The following MEI1 variants were observed in gnomAD, a reference collection of about 807,000 sequenced individuals.
The protein encoded by MEI1 is meiosis inhibitor protein 1.
In MEI1, 103 loss-of-function variants were observed where a neutral mutation model predicts 146.2. The observed-to-expected ratio is 0.70, with a 90% CI of 0.60 to 0.83. The LOEUF is 0.83. Among genes scored for constraint, MEI1 ranks in the 40% least tolerant of loss-of-function variants. The pLI is 0.00. For missense variants in MEI1, 1,529 were observed against 1,533.0 expected, an observed-to-expected ratio of 1.00 and a Z score of 0.04; for synonymous variants, 652 against 628.2, an observed-to-expected ratio of 1.04 and a Z score of -0.57.
intron 5 of MEI1, among the ~76,000 whole-genome samples, chr22:41,717,625 T>C (rs1365748673): frequency 6.6e-6 from 1 of 150,850 alleles, no homozygotes; most frequent in Admixed American, 6.6e-5. Flanking sequence ...TTTCTTTTTT[T>C]TTTTTTTTGA....
intron 21 of MEI1, 89 bp downstream of exon 21, chr22:41,776,356 G>A: frequency 7.1e-7 from 1 of 1,402,088 alleles, no homozygotes; most frequent in South Asian, 1.3e-5. Flanking sequence ...CTCCAGGAGA[G>A]AGAATCAGGG....
At chr22:41,785,062 G>T (rs908457015) in intron 26 of MEI1, among the ~76,000 whole-genome samples, 18 of 150,572 alleles carry the variant, frequency 1.2e-4, no homozygotes, top group African/African-American at 4.4e-4. Flanking sequence ...TTAGCCTCCC[G>T]GGTAGCTGGG....
chr22:41,708,418 T>C (rs113018616), intron 3 of MEI1, among the ~76,000 whole-genome samples: 41 of 152,092 alleles, frequency 2.7e-4, no homozygotes, highest in African/African-American at 8.7e-4. Flanking sequence ...TTTTTTTTTT[T>C]CCAAGCCAAA....
intron 17 of MEI1, among the ~76,000 whole-genome samples, chr22:41,755,169 T>C (rs1601946868): frequency 6.6e-6 from 1 of 152,042 alleles, no homozygotes; most frequent in East Asian, 1.9e-4. Context: ...CCCTGAGGGG[T>C]TCCTCTATCT....
At chr22:41,721,591 T>C (rs1374308882) in intron 6 of MEI1, among the ~76,000 whole-genome samples, 2 of 151,592 alleles carry the variant, frequency 1.3e-5, no homozygotes, top group Non-Finnish European at 2.9e-5. Context: ...CTGGGTCTCA[T>C]TATATTGCCC....
chr22:41,703,314 TCTTCATTTG>T lies in MEI1; in HGVS notation c.175-11_175-3del. On this transcript the variant is annotated splice_region_variant and splice_polypyrimidine_tract_variant and intron_variant, in intron 1 of 30. Transcript: ENST00000401548. ...AAATTTGGTTGCTATTGAATGTTTT[TCTTCATTTG>T]CTTCAAGTTAGTGCGCAAGAAGCAC... 3 of 1,610,144 alleles carry T rather than the reference TCTTCATTTG, an allele frequency of 1.9e-6. No homozygotes were observed. Among genetic ancestry groups the T allele is most frequent in the Non-Finnish European group, 8.5e-7 (1 of 1,178,228 alleles).
intron 22 of MEI1, among the ~76,000 whole-genome samples, chr22:41,780,951 A>C (rs2075730904): frequency 6.6e-6 from 1 of 152,106 alleles, no homozygotes; most frequent in Admixed American, 6.5e-5. Context: ...GAGAGAGGGG[A>C]TGTGGCAAGT....
chr22:41,730,044 G>A (rs2071721348), intron 8 of MEI1, among the ~76,000 whole-genome samples: 1 of 152,190 alleles, frequency 6.6e-6, no homozygotes, highest in African/African-American at 2.4e-5. Flanking sequence ...GGACTATTAT[G>A]AGCAGGGACT....
intron 15 of MEI1, among the ~76,000 whole-genome samples, chr22:41,750,915 C>T (rs996863071): frequency 2.6e-5 from 4 of 152,092 alleles, no homozygotes; most frequent in African/African-American, 7.2e-5. Flanking sequence ...GCCATACTTC[C>T]GGACCCAAGA....
intron 9 of MEI1, 116 bp downstream of exon 9, chr22:41,730,753 G>A (rs2071785365): frequency 4.5e-6 from 3 of 669,424 alleles, no homozygotes; most frequent in Non-Finnish European, 8.2e-6. Context: ...ACTGAGTCTA[G>A]ACATTTCATC....
chr22:41,716,134 G>T lies in MEI1; in HGVS notation c.517G>T (p.Val173Leu), dbSNP rs754341757. The T allele has an allele frequency of 6.2e-7, 1 of 1,607,370 alleles. No homozygotes were observed. Among genetic ancestry groups the T allele is most frequent in the Admixed American group, 1.7e-5 (1 of 59,182 alleles). Residue 173 changes from valine to leucine, a missense_variant, in exon 5 of 31, where the codon GTA becomes TTA. Coordinates refer to ENST00000401548, the MANE Select transcript of MEI1 (RefSeq NM_152513.4). ...CATCCCTGCTCTGGCAGACGAGCTT[G>T]TAATGGAGCATGGTGAGTGACCTGT... ...DAIPALADELVMEHGNLMEHL... is the reference protein window; with the variant it reads ...DAIPALADELLMEHGNLMEHL...
chr22:41,788,853 T>C (rs2076078416), intron 26 of MEI1, among the ~76,000 whole-genome samples: 1 of 152,166 alleles, frequency 6.6e-6, no homozygotes, highest in Non-Finnish European at 1.5e-5. Context: ...TTATTTTTAT[T>C]TTTGAGATAG....
chr22:41,790,882 C>A (rs1210886658), intron 26 of MEI1, among the ~76,000 whole-genome samples: 1 of 152,208 alleles, frequency 6.6e-6, no homozygotes, highest in Non-Finnish European at 1.5e-5. Flanking sequence ...AGCCACCACA[C>A]CTGGTCTGAA....
intron 20 of MEI1, among the ~76,000 whole-genome samples, chr22:41,773,053 A>C (rs182518953): frequency 6.6e-6 from 1 of 152,340 alleles, no homozygotes; most frequent in African/African-American, 2.4e-5. Flanking sequence ...AACCAAACAG[A>C]AATTGAATCT....
intron 15 of MEI1, 36 bp downstream of exon 15, chr22:41,748,254 G>T (rs1349705239): frequency 6.6e-6 from 9 of 1,373,164 alleles, no homozygotes; most frequent in Admixed American, 1.7e-5. Context: ...TGGGAGGGAG[G>T]CAAGCACCTT....
intron 6 of MEI1, among the ~76,000 whole-genome samples, chr22:41,718,573 C>T (rs775331066): frequency 3.9e-5 from 6 of 152,204 alleles, no homozygotes; most frequent in Non-Finnish European, 7.3e-5. Context: ...CATTGTATAG[C>T]TCACGTCCTG....
rs2076328359 is a variant in MEI1 at position 41,795,497 on chromosome 22, C to A, written c.3621C>A (p.Thr1207=). 19 of 1,611,252 alleles carry A rather than the reference C, an allele frequency of 1.2e-5. No homozygotes were observed. Among genetic ancestry groups the A allele is most frequent in the Non-Finnish European group, 1.6e-5 (19 of 1,178,614 alleles). ...GTGTGGCTTTGGCTGACCTGTCTAC[C>A]CTCTCGAACACCACACTCCAGGCCC... ...LQGVALADLS[T]LSNTTLQALH... is the part of the protein sequence containing the mutation. Residue 1207 remains threonine, a synonymous_variant, in exon 29 of 31, where the codon ACC becomes ACA. Coordinates refer to ENST00000401548, the MANE Select transcript of MEI1 (RefSeq NM_152513.4). This position sits in a 1 kb window ranked among gnomAD's most constrained non-coding sequence, Gnocchi z 4.2.
intron 22 of MEI1, among the ~76,000 whole-genome samples, chr22:41,779,711 A>G (rs2075658484): frequency 6.6e-6 from 1 of 152,198 alleles, no homozygotes; most frequent in East Asian, 1.9e-4. Context: ...GATCCTATTC[A>G]TGCAGATTCC....
chr22:41,736,606 G>C (rs990680087), intron 11 of MEI1, among the ~76,000 whole-genome samples: 1 of 151,764 alleles, frequency 6.6e-6, no homozygotes, highest in African/African-American at 2.4e-5. Flanking sequence ...TATTCCCCAG[G>C]CTGGTCTTGA....
Sources: allele counts gnomAD v4.1 joint callset (sites outside exome capture counted in the v4.1 genomes callset), GRCh38; gene constraint gnomAD v4.1.1; non-coding constraint Gnocchi (gnomAD v3.1); transcripts MANE v1.5; gene names NCBI Gene and HGNC (gene_info 2026-07-23, HGNC 2026-07-21).